Variants in PPP2R2C observed in about 807,000 individuals in gnomAD.
PPP2R2C encodes the protein protein phosphatase 2, regulatory subunit B, gamma.
A neutral mutation model predicts 45.3 loss-of-function variants in PPP2R2C; 10 were observed. That is an observed-to-expected ratio of 0.22 (90% CI 0.14 to 0.37). The LOEUF is 0.37. Ranked by LOEUF, PPP2R2C falls within the 10% of genes least tolerant of loss-of-function variation. The pLI is 1.00. For synonymous variants in PPP2R2C, 257 were observed against 245.4 expected (o/e 1.05, Z -0.44); for missense variants, 308 against 619.7 (o/e 0.50, Z 5.34).
chr4:6,375,992 A>G, intron 3 of PPP2R2C, 61 bp from the exon 4 acceptor site: 1 of 1,387,200 alleles, frequency 7.2e-7, no homozygotes. Flanking sequence ...GGAAGAGAAG[A>G]TCCACTTTAG....
At chr4:6,463,976 G>T (rs796215517) in intron 1 of PPP2R2C, among the ~76,000 whole-genome samples, 95 of 152,298 alleles carry the variant, frequency 6.2e-4, no homozygotes, top group African/African-American at 2.3e-3. Flanking sequence ...ACCTAACCCT[G>T]CCCTGTGGGT....
At chr4:6,514,266 C>A (rs1454882964) in intron 2 of PPP2R2C, among the ~76,000 whole-genome samples, 1 of 152,144 alleles carries the variant, frequency 6.6e-6, no homozygotes, top group Non-Finnish European at 1.5e-5. Context: ...CTAAATGAAC[C>A]AAGTGGAGGA....
chr4:6,556,518 G>A (rs769973042), intron 1 of PPP2R2C, among the ~76,000 whole-genome samples: 19 of 152,114 alleles, frequency 1.2e-4, no homozygotes, highest in South Asian at 4.2e-4. Context: ...GTGTGTGTGC[G>A]CACACGTGCA....
At chr4:6,516,808 G>A (rs772432984) in intron 2 of PPP2R2C, among the ~76,000 whole-genome samples, 1 of 152,152 alleles carries the variant, frequency 6.6e-6, no homozygotes. Context: ...AACAGTTGGC[G>A]CAATGCAGTC....
At chr4:6,540,025 T>C (rs1298733592) in intron 1 of PPP2R2C, among the ~76,000 whole-genome samples, 1 of 152,222 alleles carries the variant, frequency 6.6e-6, no homozygotes, top group Non-Finnish European at 1.5e-5. Flanking sequence ...GACACCAAGC[T>C]TCTCACTTTA....
intron 1 of PPP2R2C, among the ~76,000 whole-genome samples, chr4:6,433,481 T>C (rs995850327): frequency 1.3e-5 from 2 of 152,152 alleles, no homozygotes; most frequent in African/African-American, 4.8e-5. Flanking sequence ...TTCCCATCAT[T>C]CTGTAAGACC....
intron 1 of PPP2R2C, chr4:6,384,020 A>G: frequency 1.0e-6 from 1 of 985,550 alleles, no homozygotes; most frequent in Non-Finnish European, 1.2e-6. Flanking sequence ...ATGTCACTGA[A>G]CTTAAAAAGA....
At chr4:6,466,703 C>G (rs1299484762) in intron 1 of PPP2R2C, among the ~76,000 whole-genome samples, 1 of 152,130 alleles carries the variant, frequency 6.6e-6, no homozygotes, top group Admixed American at 6.5e-5. Context: ...CACTTCTTAC[C>G]AAACATCCCT....
chr4:6,422,495 A>G (rs1430826296), intron 1 of PPP2R2C, among the ~76,000 whole-genome samples: 1 of 152,218 alleles, frequency 6.6e-6, no homozygotes, highest in Non-Finnish European at 1.5e-5. Flanking sequence ...CCACCATAAC[A>G]AAGTGCCCCA....
chr4:6,526,293 G>T (rs1724208178), intron 2 of PPP2R2C, among the ~76,000 whole-genome samples: 1 of 152,212 alleles, frequency 6.6e-6, no homozygotes, highest in Non-Finnish European at 1.5e-5. Context: ...TCCTGGAAAT[G>T]CCTGCTTCTG....
At chr4:6,549,806 T>A (rs1022147505) in intron 1 of PPP2R2C, among the ~76,000 whole-genome samples, 7 of 152,184 alleles carry the variant, frequency 4.6e-5, no homozygotes, top group African/African-American at 1.7e-4. Flanking sequence ...ACTTATTCAG[T>A]GGTGGCCACT....
At chr4:6,466,094 T>G (rs34618602) in intron 1 of PPP2R2C, among the ~76,000 whole-genome samples, 85,799 of 151,944 alleles carry the variant, frequency 0.56, 25,752 homozygotes, top group East Asian at 0.68. Context: ...TGGAGCATTA[T>G]TTGAAAGCAT....
chr4:6,511,519 G>A (rs1436250206), intron 2 of PPP2R2C, among the ~76,000 whole-genome samples: 2 of 17,268 alleles, frequency 1.2e-4, no homozygotes, highest in Non-Finnish European at 1.6e-4. Flanking sequence ...GGTGGTGGTG[G>A]TGGTGATGGT....
At chr4:6,411,716 C>T (rs1718216953) in intron 1 of PPP2R2C, among the ~76,000 whole-genome samples, 1 of 152,108 alleles carries the variant, frequency 6.6e-6, no homozygotes, top group Non-Finnish European at 1.5e-5. Flanking sequence ...CCACACCTGG[C>T]TAATTTTTTG....
intron 2 of PPP2R2C, among the ~76,000 whole-genome samples, chr4:6,491,864 G>A (rs772946587): frequency 3.3e-5 from 5 of 152,130 alleles, no homozygotes; most frequent in Non-Finnish European, 5.9e-5. Context: ...CATATTTCCT[G>A]TACAGCCTGC....
chr4:6,391,937 A>G (rs1166736284), intron 1 of PPP2R2C, among the ~76,000 whole-genome samples: 1 of 152,254 alleles, frequency 6.6e-6, no homozygotes, highest in African/African-American at 2.4e-5. Flanking sequence ...TCTCCGAGAC[A>G]GATACGGGAA....
chr4:6,358,133 C>CA (rs1354427028), intron 5 of PPP2R2C, among the ~76,000 whole-genome samples: 2 of 152,122 alleles, frequency 1.3e-5, no homozygotes, highest in African/African-American at 4.8e-5. Flanking sequence ...GGTACCAAAA[C>CA]AGAGATATAG....
chr4:6,549,413 G>T (rs4689478), intron 1 of PPP2R2C, among the ~76,000 whole-genome samples: 1 of 152,092 alleles, frequency 6.6e-6, no homozygotes, highest in Non-Finnish European at 1.5e-5. Flanking sequence ...GAGGCCTCCC[G>T]GAGGAGGTGA....
At chr4:6,430,696 G>T (rs952114510) in intron 1 of PPP2R2C, among the ~76,000 whole-genome samples, 1 of 152,124 alleles carries the variant, frequency 6.6e-6, no homozygotes, top group African/African-American at 2.4e-5. Flanking sequence ...GGGCCAAGGC[G>T]GGTGGATCAC....
Sources: gnomAD v4.1 joint callset for allele counts (sites outside exome capture counted in the v4.1 genomes callset) on GRCh38, gnomAD v4.1.1 for gene constraint, MANE v1.5 for transcripts, NCBI Gene and HGNC (gene_info 2026-07-23, HGNC 2026-07-21) for gene names.